Variants in PCDHGB1 observed in about 807,000 individuals in gnomAD.
PCDHGB1 encodes the protein protocadherin gamma-B1.
Under a neutral mutation model 56.6 loss-of-function variants are expected in PCDHGB1, and 34 were observed. That is an observed-to-expected ratio of 0.60 (90% CI 0.46 to 0.80). The LOEUF (loss-of-function observed/expected upper bound fraction) is 0.80, where lower values mean the gene tolerates loss of function less well. PCDHGB1 is among the 30% of genes least tolerant of loss of function. The probability of loss-of-function intolerance (pLI) is 0.00; values close to 1 mark genes in which losing one functional copy is unlikely to be tolerated. For synonymous variants in PCDHGB1, 561 were observed against 505.9 expected (o/e 1.11, Z -1.46); for missense variants, 1,278 against 1,204.6 (o/e 1.06, Z -0.90).
chr5:141,420,047 G>C (rs1242042066), intron 1 of PCDHGB1: 1 of 1,613,958 alleles, frequency 6.2e-7, no homozygotes, highest in East Asian at 2.2e-5. Flanking sequence ...CTTTGAGTCA[G>C]TTCTCTGCTC....
rs549557253 is a variant in PCDHGB1 at position 141,503,310 on chromosome 5, T to C, written c.2469-2083T>C. 2.6e-5 allele frequency among the ~76,000 whole-genome samples: 4 copies of C among 152,176 alleles called. No homozygotes were observed. The East Asian group carries it at 7.7e-4, about 29-fold the overall frequency. On this transcript the variant is annotated intron_variant, in intron 2 of 3. Coordinates refer to ENST00000523390, the MANE Select transcript of PCDHGB1 (RefSeq NM_018922.3). ...TACATAGAAATTGCTCAAGAAAGAA[T>C]TGTTGGAGGGGCGCGGTGGCTCACG...
intron 1 of PCDHGB1, among the ~76,000 whole-genome samples, chr5:141,436,749 C>T (rs2097844674): frequency 6.6e-6 from 1 of 152,154 alleles, no homozygotes; most frequent in Admixed American, 6.5e-5. Flanking sequence ...TGTGCTTCTC[C>T]ATATGGTATA....
At chr5:141,404,602 G>C (rs749746083) in intron 1 of PCDHGB1, 2 of 1,614,076 alleles carry the variant, frequency 1.2e-6, no homozygotes, top group Admixed American at 1.7e-5. Flanking sequence ...CATTGAGACT[G>C]TTTGTTTTGG....
At chr5:141,365,011 C>T (rs372758360) in intron 1 of PCDHGB1, 64 of 1,613,820 alleles carry the variant, frequency 4.0e-5, no homozygotes, top group African/African-American at 6.7e-5. Context: ...GCACCACGCA[C>T]ATCCGTGTTA....
At chr5:141,423,618 C>T (rs2096760725) in intron 1 of PCDHGB1, 2 of 1,608,284 alleles carry the variant, frequency 1.2e-6, no homozygotes, top group East Asian at 2.2e-5. Flanking sequence ...TAGCTGAAGA[C>T]TCAGCTATCA....
chr5:141,501,300 C>T (rs867143352), intron 2 of PCDHGB1, among the ~76,000 whole-genome samples: 2,626 of 150,646 alleles, frequency 0.017, 74 homozygotes, highest in African/African-American at 0.06. Context: ...TACACACACA[C>T]ACACACACAC....
At chr5:141,397,668 C>T (rs1455080741) in intron 1 of PCDHGB1, among the ~76,000 whole-genome samples, 3 of 152,224 alleles carry the variant, frequency 2.0e-5, no homozygotes, top group African/African-American at 7.2e-5. Flanking sequence ...AAAGAATGGA[C>T]CAATGTATGC....
At chr5:141,356,671 CT>C (rs779707398) in intron 1 of PCDHGB1, 2 of 1,614,056 alleles carry the variant, frequency 1.2e-6, no homozygotes, top group Non-Finnish European at 1.7e-6. Context: ...CACTTACTCC[CT>C]GGCCGAAGAC....
At chr5:141,444,873 C>T (rs1298516499) in intron 1 of PCDHGB1, among the ~76,000 whole-genome samples, 1 of 152,080 alleles carries the variant, frequency 6.6e-6, no homozygotes, top group African/African-American at 2.4e-5. Flanking sequence ...CAGGACAAAG[C>T]TTGTAGGATT....
chr5:141,398,183 T>C, intron 1 of PCDHGB1: 1 of 1,477,856 alleles, frequency 6.8e-7, no homozygotes, highest in South Asian at 1.4e-5. Flanking sequence ...GTGCTCTTTC[T>C]CTTCCTGCTG....
At chr5:141,448,331 A>T (rs2098582637) in intron 1 of PCDHGB1, among the ~76,000 whole-genome samples, 1 of 152,146 alleles carries the variant, frequency 6.6e-6, no homozygotes, top group Non-Finnish European at 1.5e-5. Flanking sequence ...GAATCTTTAT[A>T]GCCATGTACC....
intron 1 of PCDHGB1, among the ~76,000 whole-genome samples, chr5:141,354,366 A>C (rs1006672709): frequency 2.0e-5 from 3 of 152,242 alleles, no homozygotes; most frequent in African/African-American, 7.2e-5. Flanking sequence ...TGTGAACAAG[A>C]TAGTCATATG....
rs371139792 is a variant in PCDHGB1 at position 141,490,160 on chromosome 5, C to A, written c.2410-4647C>A. On this transcript the variant is annotated intron_variant, in intron 1 of 3. Transcript: ENST00000523390. This position sits in a 1 kb window ranked among gnomAD's most constrained non-coding sequence, Gnocchi z 5.4. The stretch of plus-strand genomic sequence containing the variant: ...AGTGGGGCAATCCATGTGTTGGGTC[C>A]CATAGACTTTGAGGAGTCACGTTTC... The A allele has an allele frequency of 5.6e-6, 9 of 1,614,192 alleles. No homozygotes were observed. The highest frequency in any genetic ancestry group is 7.6e-6 in the Non-Finnish European group (9 of 1,180,016).
intron 1 of PCDHGB1, chr5:141,409,464 C>G (rs1185218827): frequency 1.9e-6 from 3 of 1,613,940 alleles, no homozygotes; most frequent in Non-Finnish European, 1.7e-6. Context: ...TACAATGTCA[C>G]CATCGTAGCC....
rs370067669 is a variant in PCDHGB1 at position 141,419,410 on chromosome 5, G to A, written c.2409+66741G>A. ...CGCAGAGCGGGGTGGTGTTCGCGCA[G>A]CGCGCCTTCGACCACGAGCAGCTGC... On this transcript the variant is annotated intron_variant, in intron 1 of 3. Coordinates refer to ENST00000523390, the MANE Select transcript of PCDHGB1 (RefSeq NM_018922.3). 140 of 1,613,468 alleles carry A rather than the reference G, an allele frequency of 8.7e-5. No individual in the cohort carries two copies. In the African/African-American group the frequency reaches 1.8e-3, roughly 20 times the overall value.
At chr5:141,408,806 C>T in intron 1 of PCDHGB1, 1 of 1,613,010 alleles carries the variant, frequency 6.2e-7, no homozygotes, top group Non-Finnish European at 8.5e-7. Flanking sequence ...ACTCCTAGAC[C>T]GGGAAGAACA....
intron 1 of PCDHGB1, among the ~76,000 whole-genome samples, chr5:141,369,773 T>G: frequency 6.6e-6 from 1 of 152,236 alleles, no homozygotes; most frequent in African/African-American, 2.4e-5. Flanking sequence ...AGCTGATATT[T>G]CAAGCCTCTT....
intron 1 of PCDHGB1, among the ~76,000 whole-genome samples, chr5:141,470,181 A>G (rs974401154): frequency 3.9e-5 from 6 of 152,236 alleles, no homozygotes; most frequent in African/African-American, 9.6e-5. Flanking sequence ...AAAATATTCA[A>G]GTAAACTTCA....
In PCDHGB1 at chr5:141,476,327, G is replaced by A. The variant is rs2099389169; in HGVS notation, c.2410-18480G>A. The A allele has an allele frequency of 1.2e-6, 2 of 1,614,192 alleles. No individual in the cohort carries two copies. Among genetic ancestry groups the A allele is most frequent in the African/African-American group, 1.3e-5 (1 of 75,046 alleles). On this transcript the variant is annotated intron_variant, in intron 1 of 3. Transcript: ENST00000523390. The surrounding 1 kb of genome is among the most constrained non-coding windows in gnomAD (Gnocchi z 7.6). ...AGCCCGCAGGTTCCGGGTGGTGTCT[G>A]GAGCTAGCCGAAGATTCTTTGAGGT...
Sources: gnomAD v4.1 joint callset for allele counts (sites outside exome capture counted in the v4.1 genomes callset) on GRCh38, gnomAD v4.1.1 for gene constraint, Gnocchi (gnomAD v3.1) non-coding constraint, MANE v1.5 for transcripts, NCBI Gene and HGNC (gene_info 2026-07-23, HGNC 2026-07-21) for gene names.